The following MCC variants were observed in gnomAD, a reference collection of about 807,000 sequenced individuals.
MCC encodes the protein MCC regulator of Wnt signaling pathway.
A neutral mutation model predicts 116.2 loss-of-function variants in MCC; 90 were observed. The observed-to-expected ratio is 0.77, with a 90% CI of 0.65 to 0.92. The LOEUF (loss-of-function observed/expected upper bound fraction) is 0.92. Ranked by LOEUF, MCC falls within the 40% of genes least tolerant of loss-of-function variation. MCC has a pLI of 0.00. For synonymous variants in MCC, 578 were observed against 510.5 expected (o/e 1.13, Z -1.78); for missense variants, 1,516 against 1,312.2 (o/e 1.16, Z -2.40).
intron 3 of MCC, among the ~76,000 whole-genome samples, chr5:113,248,819 TTCTC>T (rs927578566): frequency 1.3e-4 from 20 of 150,738 alleles, no homozygotes; most frequent in African/African-American, 3.2e-4. Context: ...TGTGCTCTCA[TTCTC>T]TCTCTCTTCT....
rs1032384387 is a variant in MCC at position 113,351,845 on chromosome 5, T to A, written c.416-11115A>T. On this transcript the variant is annotated intron_variant, in intron 2 of 18. Transcript: ENST00000408903. ...ACCTAAATGTACCCACAATATTTTTTAAAAATACAACTGTTCTGGGGTAAG... is the reference window on the plus strand; with the variant it reads ...ACCTAAATGTACCCACAATATTTTTAAAAAATACAACTGTTCTGGGGTAAG... Among the ~76,000 whole-genome samples, 10 of 152,274 alleles carry A rather than the reference T, an allele frequency of 6.6e-5. No individual in the cohort carries two copies. The East Asian group carries it at 1.5e-3, about 24-fold the overall frequency.
intron 3 of MCC, among the ~76,000 whole-genome samples, chr5:113,309,053 T>A (rs1247224336): frequency 6.6e-6 from 1 of 152,218 alleles, no homozygotes. Flanking sequence ...ATAATAAATC[T>A]CTTTATCAAA....
At chr5:113,279,545 T>G (rs1765955524) in intron 3 of MCC, among the ~76,000 whole-genome samples, 2 of 152,214 alleles carry the variant, frequency 1.3e-5, no homozygotes, top group South Asian at 4.1e-4. Context: ...ATATCGGAGC[T>G]TAACTGCATG....
intron 1 of MCC, among the ~76,000 whole-genome samples, chr5:113,395,854 A>T (rs953710709): frequency 6.6e-6 from 1 of 151,484 alleles, no homozygotes; most frequent in African/African-American, 2.4e-5. Context: ...TTTGATGCTT[A>T]TGCTCCATGG....
intron 3 of MCC, among the ~76,000 whole-genome samples, chr5:113,300,493 A>G (rs931351318): frequency 3.3e-5 from 5 of 152,228 alleles, no homozygotes; most frequent in Admixed American, 3.3e-4. Flanking sequence ...GAGTGTTTAC[A>G]TTGTAAAAGG....
rs1750271023 is a variant in MCC at position 113,023,153 on chromosome 5, A to G, written c.*4149T>C. 1 of 152,234 alleles carries G rather than the reference A, an allele frequency of 6.6e-6. No homozygotes were observed. The highest frequency in any genetic ancestry group is 1.5e-5 in the Non-Finnish European group (1 of 68,034). The allele number at this position is 152,234 out of a possible 1,614,324, so 9.4% of individuals were successfully genotyped here. On this transcript the variant is annotated 3_prime_UTR_variant, in exon 19 of 19. Transcript: ENST00000408903. ...GAATACAAATGTATTAAGTTAGAGT[A>G]ATTTCAGGTGTGTTAAACAGGAGAT...
chr5:113,381,099 T>TA (rs1171776034), intron 2 of MCC, among the ~76,000 whole-genome samples: 2 of 152,178 alleles, frequency 1.3e-5, no homozygotes, highest in Non-Finnish European at 2.9e-5. Context: ...GGAGGCCAGT[T>TA]AAAGGTTATT....
intron 8 of MCC, among the ~76,000 whole-genome samples, chr5:113,094,111 G>T (rs1290644656): frequency 1.3e-5 from 2 of 152,130 alleles, no homozygotes; most frequent in Non-Finnish European, 2.9e-5. Context: ...TCTTATTGGA[G>T]ATTTTATATG....
chr5:113,270,152 A>G (rs770083801), intron 3 of MCC, among the ~76,000 whole-genome samples: 10 of 152,214 alleles, frequency 6.6e-5, no homozygotes, highest in Admixed American at 1.3e-4. Context: ...CTTTTGGACT[A>G]GGAAAAATGT....
At chr5:113,192,744 T>C (rs1275935754) in intron 3 of MCC, among the ~76,000 whole-genome samples, 2 of 152,216 alleles carry the variant, frequency 1.3e-5, no homozygotes, top group African/African-American at 2.4e-5. Context: ...AGCCTCCTTA[T>C]ACCTCCTTCT....
chr5:113,335,013 T>C (rs985951625), intron 3 of MCC, among the ~76,000 whole-genome samples: 1 of 151,760 alleles, frequency 6.6e-6, no homozygotes, highest in South Asian at 2.1e-4. Context: ...GTGACAAGCA[T>C]GCTCTATGCT....
chr5:113,329,651 T>C (rs1007337349), intron 3 of MCC, among the ~76,000 whole-genome samples: 10 of 152,194 alleles, frequency 6.6e-5, no homozygotes, highest in African/African-American at 9.7e-5. Flanking sequence ...TAATAATAGA[T>C]ACAATTCTTT....
At chr5:113,219,381 A>G (rs1195532895) in intron 3 of MCC, among the ~76,000 whole-genome samples, 2 of 152,258 alleles carry the variant, frequency 1.3e-5, no homozygotes, top group Non-Finnish European at 2.9e-5. Context: ...ATAAAAAGTC[A>G]GTAGCATTAA....
intron 2 of MCC, among the ~76,000 whole-genome samples, chr5:113,347,461 G>C (rs1419152109): frequency 1.3e-5 from 2 of 152,090 alleles, no homozygotes; most frequent in African/African-American, 4.8e-5. Context: ...TAACAAACCT[G>C]CACATTGTGC....
At chr5:113,266,771 G>A (rs986756138) in intron 3 of MCC, among the ~76,000 whole-genome samples, 2 of 151,604 alleles carry the variant, frequency 1.3e-5, no homozygotes, top group Admixed American at 1.3e-4. Context: ...TCCCAGCAAG[G>A]GAACTACCTC....
At chr5:113,429,364 T>TA (rs1190303718) in intron 1 of MCC, among the ~76,000 whole-genome samples, 1 of 151,992 alleles carries the variant, frequency 6.6e-6, no homozygotes, top group African/African-American at 2.4e-5. Context: ...AAGAGCACAT[T>TA]AGCCAGCATC....
At position 113,294,349 on chromosome 5, in the gene MCC, A is replaced by C. The variant is rs1581378322; in HGVS notation, c.627+46170T>G. ...CTTACCTCACTCAGCTCGGCCGAGG[A>C]GTCGTTTCCATATTTCATGGCAACT... On this transcript the variant is annotated intron_variant, in intron 3 of 18. Transcript: ENST00000408903. The C allele has an allele frequency of 3.1e-6, 5 of 1,613,806 alleles. No homozygotes were observed. In the African/African-American group the frequency reaches 5.3e-5, roughly 17 times the overall value.
intron 5 of MCC, among the ~76,000 whole-genome samples, chr5:113,131,547 T>C (rs142209632): frequency 6.6e-6 from 1 of 152,286 alleles, no homozygotes; most frequent in Non-Finnish European, 1.5e-5. Flanking sequence ...CACTGCATGT[T>C]TCAAGTAGAA....
At chr5:113,395,597 A>G (rs1237212426) in intron 1 of MCC, among the ~76,000 whole-genome samples, 1 of 152,114 alleles carries the variant, frequency 6.6e-6, no homozygotes, top group East Asian at 1.9e-4. Flanking sequence ...CAGTAAGGTG[A>G]CCATACCCTC....
Sources: allele counts gnomAD v4.1 joint callset (sites outside exome capture counted in the v4.1 genomes callset), GRCh38; gene constraint gnomAD v4.1.1; transcripts MANE v1.5; gene names NCBI Gene and HGNC (gene_info 2026-07-23, HGNC 2026-07-21).